ABCA2: variants seen among roughly 807,000 people sequenced by gnomAD.
ABCA2 encodes ATP-binding cassette sub-family A member 2.
In ABCA2, 84 loss-of-function variants were observed where a neutral mutation model predicts 262.8. The ratio of observed to expected loss-of-function variants is 0.32; its 90% confidence interval spans 0.27 to 0.38. The LOEUF is 0.38. ABCA2 is among the 10% of genes least tolerant of loss of function. ABCA2 has a pLI of 1.00. For missense variants in ABCA2, 2,662 were observed against 3,405.9 expected, an observed-to-expected ratio of 0.78 and a Z score of 5.44; for synonymous variants, 1,696 against 1,502.9, an observed-to-expected ratio of 1.13 and a Z score of -2.97.
upstream of ABCA2, chr9:137,028,305 G>A: frequency 1.0e-6 from 1 of 972,232 alleles, no homozygotes; most frequent in Non-Finnish European, 1.2e-6. The surrounding 1 kb of genome is among the most constrained non-coding windows in gnomAD (Gnocchi z 6.9). Flanking sequence ...CGCGGCGACA[G>A]CGACTCTGCC....
In ABCA2 at chr9:137,015,992, G is replaced by A; in HGVS notation, c.3287C>T (p.Ala1096Val). 3 of 1,602,632 alleles carry A rather than the reference G, an allele frequency of 1.9e-6. No individual in the cohort carries two copies. The highest frequency in any genetic ancestry group is 2.5e-6 in the Non-Finnish European group (3 of 1,176,552). The change falls in exon 22 of 49, where the codon GCT becomes GTT. Residue 1096 changes from alanine (A) to valine (V), a missense_variant. Coordinates refer to ENST00000341511, the MANE Select transcript of ABCA2 (RefSeq NM_001606.5). ...CATCTCTCTGCGGATCTCCTCCTGA[G>A]CCATGCTCTTGAGCCGTGAGTAGAA... ...LWFYSRLKSM[A>V]QEEIRREMDK...
In ABCA2 at chr9:137,008,640, C is replaced by T. The variant is rs200838308; in HGVS notation, c.7069-18G>A. ...ACGAACACCTGGTGGGTGGCGCAGG[C>T]GTGTGGGGAGGGGGCTGGTCTGGGG... On this transcript the variant is annotated intron_variant, in intron 47 of 48. Transcript: ENST00000341511. 135 of 1,227,048 alleles carry T rather than the reference C, an allele frequency of 1.1e-4. No homozygotes were observed. Among genetic ancestry groups the T allele is most frequent in the Non-Finnish European group, 1.3e-4 (125 of 938,506 alleles). The allele number at this position is 1,227,048 out of a possible 1,614,324, so 76.0% of individuals were successfully genotyped here.
At chr9:137,024,323 G>A in intron 1 of ABCA2, 87 bp from the exon 2 acceptor site, 10 of 1,207,728 alleles carry the variant, frequency 8.3e-6, no homozygotes, top group Non-Finnish European at 1.1e-5. Flanking sequence ...GCCCAGCCCA[G>A]ACAGGACCAC....
In ABCA2 at chr9:137,011,979, G is replaced by C. The variant is rs751984928; in HGVS notation, c.5400C>G (p.Ile1800Met). 1 of 1,612,660 alleles carries C rather than the reference G, an allele frequency of 6.2e-7. No individual in the cohort carries two copies. The highest frequency in any genetic ancestry group is 1.3e-5 in the African/African-American group (1 of 75,048). ...TGGCCGGCACGAAGGACATGGCCAC[G>C]ATGATGAAGATGGCGATGACGACAT... ...GTDVVIAIFI[I>M]VAMSFVPASF... is the part of the protein sequence containing the mutation. Residue 1800 changes from isoleucine (I) to methionine (M), a missense_variant, in exon 35 of 49, where the codon ATC (isoleucine) becomes ATG (methionine). Around this residue, in one of 12 missense-constraint regions of ABCA2, gnomAD observed 602 missense variants for 897.4 expected, o/e 0.67. Coordinates refer to ENST00000341511, the MANE Select transcript of ABCA2 (RefSeq NM_001606.5). This position sits in a 1 kb window ranked among gnomAD's most constrained non-coding sequence, Gnocchi z 8.8.
intron 21 of ABCA2, 39 bp from the exon 22 acceptor site, chr9:137,016,213 C>T (rs768661188): frequency 6.2e-7 from 1 of 1,611,238 alleles, no homozygotes; most frequent in East Asian, 2.2e-5. Flanking sequence ...ACGCCCTCTG[C>T]AGGGGCCCCA....
intron 33 of ABCA2, 43 bp downstream of exon 33, chr9:137,012,222 C>CCCCGCCA: frequency 6.4e-7 from 1 of 1,560,942 alleles, no homozygotes; most frequent in Non-Finnish European, 8.8e-7. Context: ...GCCCCGGCCC[C>CCCCGCCA]AGCTCCTCCC....
At position 137,014,268 on chromosome 9, in the gene ABCA2, G is replaced by A. The variant is rs1430145365; in HGVS notation, c.4140C>T (p.Gly1380=). Residue 1380 remains glycine (G), a synonymous_variant, in exon 27 of 49, where the codon GGC becomes GGT. Transcript: ENST00000341511. ...CAGCTCCCTCGTCGCCACGGGCAGA[G>A]CCCACAGATGACGCCGACTGCAGCG... ...QASLQSASSV[G]SARGDEGAGY... The A allele has an allele frequency of 1.9e-6, 3 of 1,611,362 alleles. No homozygotes were observed. Among genetic ancestry groups the A allele is most frequent in the Non-Finnish European group, 2.5e-6 (3 of 1,179,402 alleles).
rs372359271 is a variant in ABCA2, at chr9:137,015,469, G to A, written c.3642C>T (p.Gly1214=). The change falls in exon 24 of 49, where the codon GGC becomes GGT. Residue 1214 remains glycine, a synonymous_variant. Coordinates refer to ENST00000341511, the MANE Select transcript of ABCA2 (RefSeq NM_001606.5). ...TGACCAGCGTGAGGCGGTACCCGTC[G>A]CCATAGGTGCCCTTGAGGAAGAGCG... ...GSPLFLKGTY[G]DGYRLTLVKR... The A allele has an allele frequency of 8.9e-5, 142 of 1,598,980 alleles. No individual in the cohort carries two copies. In the East Asian group the frequency reaches 1.3e-3, roughly 15 times the overall value.
In ABCA2 at chr9:137,018,821, G is replaced by A. The variant is rs188073895; in HGVS notation, c.1723-6C>T. 7 of 1,612,570 alleles carry A rather than the reference G, an allele frequency of 4.3e-6. No homozygotes were observed. In the African/African-American group the frequency reaches 9.3e-5, roughly 22 times the overall value. ...TTGAAGATGTCCACGCTCACCTAGC[G>A]GGAGGGGCATCGCTGGAGCCCGCCG... On this transcript the variant is annotated splice_polypyrimidine_tract_variant and splice_region_variant and intron_variant, in intron 12 of 48. Transcript: ENST00000341511.
At chr9:137,024,060 C>A (rs994194609) in intron 2 of ABCA2, 83 bp downstream of exon 2, 1 of 1,521,506 alleles carries the variant, frequency 6.6e-7, no homozygotes, top group East Asian at 2.4e-5. Flanking sequence ...GCAGGACACC[C>A]GTGTGCAGAT....
In ABCA2 at chr9:137,011,830, C is replaced by G. The variant is rs1196136689; in HGVS notation, c.5535+14G>C. 6.4e-7 allele frequency: 1 copy of G among 1,567,518 alleles called. No homozygotes were observed. Among genetic ancestry groups the G allele is most frequent in the African/African-American group, 1.4e-5 (1 of 73,700 alleles). On this transcript the variant is annotated intron_variant, in intron 35 of 48. Transcript: ENST00000341511. This position sits in a 1 kb window ranked among gnomAD's most constrained non-coding sequence, Gnocchi z 8.8. ...GAGAAGGGCCGGGGCACCCCATGGCCACGCCGGGCGCACCATGTCCCACAC... is the reference window on the plus strand; with the variant it reads ...GAGAAGGGCCGGGGCACCCCATGGCGACGCCGGGCGCACCATGTCCCACAC...
At position 137,021,025 on chromosome 9, in the gene ABCA2, G is replaced by A; in HGVS notation, c.934C>T (p.Pro312Ser). Residue 312 changes from proline to serine, a missense_variant, in exon 9 of 49, where the codon CCA becomes TCA. Around this residue, in one of 12 missense-constraint regions of ABCA2, gnomAD observed 403 missense variants for 375.9 expected, o/e 1.07. Coordinates refer to ENST00000341511, the MANE Select transcript of ABCA2 (RefSeq NM_001606.5). This position sits in a 1 kb window ranked among gnomAD's most constrained non-coding sequence, Gnocchi z 6.0. ...AGCCTCCGTGGGGGTGGCGCCTGTGGCGAGGAGTCCGAGCCGTTGGGGGCA... is the reference window on the plus strand; with the variant it reads ...AGCCTCCGTGGGGGTGGCGCCTGTGACGAGGAGTCCGAGCCGTTGGGGGCA... Reference protein sequence around the residue: ...LDAPNGSDSSPQAPPPRRLQA... With the variant: ...LDAPNGSDSSSQAPPPRRLQA... 1 of 1,487,540 alleles carries A rather than the reference G, an allele frequency of 6.7e-7. No homozygotes were observed. Among genetic ancestry groups the A allele is most frequent in the Non-Finnish European group, 9.0e-7 (1 of 1,116,776 alleles). 92.1% of individuals were successfully genotyped at this position (1,487,540 alleles called of 1,614,324 possible).
intron 2 of ABCA2, 114 bp downstream of exon 2, chr9:137,024,029 C>A: frequency 6.6e-7 from 1 of 1,514,950 alleles, no homozygotes. Flanking sequence ...GAGCAGGCAC[C>A]GCACCTCAGG....
Position 137,023,000 on chromosome 9 carries a change from T to C in ABCA2, c.216A>G (p.Gln72=), listed in dbSNP as rs201665743. The C allele has an allele frequency of 1.0e-4, 159 of 1,596,304 alleles. No individual in the cohort carries two copies. The highest frequency in any genetic ancestry group is 6.4e-4 in the African/African-American group (48 of 74,498). ...LTSAGILPVM[Q]SLCPDGQRDE... is the part of the protein sequence containing the mutation. ...CTCGCTGGCCGTCCGGGCACAGCGATTGCATGACAGGCAGGATGCCGGCAG... is the reference window on the plus strand; with the variant it reads ...CTCGCTGGCCGTCCGGGCACAGCGACTGCATGACAGGCAGGATGCCGGCAG... The change falls in exon 4 of 49, where the codon CAA becomes CAG. Residue 72 remains glutamine, a synonymous_variant. Coordinates refer to ENST00000341511, the MANE Select transcript of ABCA2 (RefSeq NM_001606.5).
In ABCA2 at chr9:137,007,926, T is replaced by C. The variant is rs749190928; in HGVS notation, c.*3A>G. 1.2e-6 allele frequency: 2 copies of C among 1,605,784 alleles called. No individual in the cohort carries two copies. The highest frequency in any genetic ancestry group is 1.7e-6 in the Non-Finnish European group (2 of 1,179,824). On this transcript the variant is annotated 3_prime_UTR_variant, in exon 49 of 49. Coordinates refer to ENST00000341511, the MANE Select transcript of ABCA2 (RefSeq NM_001606.5). ...GTGTCCTCCCTGGCCCAGCTCTGGG[T>C]GGTCAGCAGAGCGTGTCCGTGTTGA...
In ABCA2 at chr9:137,014,982, T is replaced by C. The variant is rs1277424846; in HGVS notation, c.3813A>G (p.Thr1271=). 2 of 1,585,358 alleles carry C rather than the reference T, an allele frequency of 1.3e-6. No homozygotes were observed. Among genetic ancestry groups the C allele is most frequent in the South Asian group, 1.2e-5 (1 of 86,860 alleles). ...GCAGGATGTAGGAGAGCTCCGTGCT[T>C]GTGTCTGAGACCAGCAGGCAGGAGG... is the stretch of plus-strand genomic sequence containing the variant. ...HVASCLLVSD[T]STELSYILPS... The change falls in exon 25 of 49, where the codon ACA becomes ACG. Residue 1271 remains threonine, a synonymous_variant. Coordinates refer to ENST00000341511, the MANE Select transcript of ABCA2 (RefSeq NM_001606.5).
intron 1 of ABCA2, among the ~76,000 whole-genome samples, chr9:137,026,843 G>A (rs1483263727): frequency 6.6e-6 from 1 of 152,208 alleles, no homozygotes; most frequent in African/African-American, 2.4e-5. Flanking sequence ...CTGCTCTGCT[G>A]TCCCCAGTGA....
chr9:137,010,180 G>T lies in ABCA2; in HGVS notation c.6353+13C>A. ...GACGCGGCGGCCCCGCCCACCCAGG[G>T]CTCCCGCCCCACCTGTGTCCATTGA... On this transcript the variant is annotated intron_variant, in intron 41 of 48. Coordinates refer to ENST00000341511, the MANE Select transcript of ABCA2 (RefSeq NM_001606.5). 2 of 1,597,062 alleles carry T rather than the reference G, an allele frequency of 1.3e-6. No individual in the cohort carries two copies.
chr9:137,022,241 A>G, intron 6 of ABCA2, 110 bp downstream of exon 6: 1 of 1,410,834 alleles, frequency 7.1e-7, no homozygotes, highest in East Asian at 2.5e-5. Context: ...GGCAAGGTTC[A>G]GACGGTCTGG....
Sources: gnomAD v4.1 joint callset for allele counts (sites outside exome capture counted in the v4.1 genomes callset) on GRCh38, gnomAD v4.1.1 for gene constraint, gnomAD v4.1.1 regional missense constraint, Gnocchi (gnomAD v3.1) non-coding constraint, MANE v1.5 for transcripts, NCBI Gene and HGNC (gene_info 2026-07-23, HGNC 2026-07-21) for gene names.